The following FBXO28 variants were observed in gnomAD, a reference collection of about 807,000 sequenced individuals.
FBXO28 encodes the protein F-box only protein 28.
FBXO28 carries 8 observed loss-of-function variants against 38.1 expected under a neutral mutation model. The observed-to-expected ratio is 0.21, with a 90% confidence interval of 0.12 to 0.38. The LOEUF (loss-of-function observed/expected upper bound fraction) is 0.38, where lower values mean the gene tolerates loss of function less well. Among genes scored for constraint, FBXO28 ranks in the 10% least tolerant of loss-of-function variants. FBXO28 has a pLI of 1.00. For synonymous variants in FBXO28, 168 were observed against 173.8 expected (o/e 0.97, Z 0.26); for missense variants, 345 against 460.6 (o/e 0.75, Z 2.30).
intron 1 of FBXO28, among the ~76,000 whole-genome samples, chr1:224,122,521 C>T (rs902893448): frequency 2.0e-5 from 3 of 151,982 alleles, no homozygotes; most frequent in African/African-American, 7.2e-5. Context: ...CGGGTTTATT[C>T]AGTCTAATTA....
In FBXO28 at chr1:224,114,251, C is replaced by G. The variant is rs1299964910; in HGVS notation, c.122C>G (p.Pro41Arg). The G allele has an allele frequency of 6.4e-7, 1 of 1,554,238 alleles. No individual in the cohort carries two copies. The highest frequency in any genetic ancestry group is 1.2e-5 in the South Asian group (1 of 84,412). ...CCTCCACCGCCCGCGCCACAGCACC[C>G]GCAGCCGGGGTCCCAGGCGCTCCCA... ...RQPPPPAPQH[P>R]QPGSQALPAP... The change falls in exon 1 of 5, where the codon CCG (proline) becomes CGG (arginine). Residue 41 changes from proline (P) to arginine (R), a missense_variant. Physicochemically the swap from Pro to Arg is moderately radical, Grantham distance 103. Around this residue, in one of 6 missense-constraint regions of FBXO28, gnomAD observed 104 missense variants for 82.0 expected, o/e 1.27. Coordinates refer to ENST00000366862, the MANE Select transcript of FBXO28 (RefSeq NM_015176.4).
At position 224,153,179 on chromosome 1, in the gene FBXO28, A is replaced by G. The variant is rs199672778; in HGVS notation, c.554A>G (p.Asn185Ser). The part of the protein sequence containing the change: ...DEIYRVLRYV[N>S]STRAPQRAHE... ...ATTTATCGTGTGTTGAGATATGTCA[A>G]TTCTACCAGAGCCCCTCAACGAGCT... is the stretch of plus-strand genomic sequence containing the variant. The change falls in exon 4 of 5, where the codon AAT becomes AGT. Residue 185 changes from asparagine (N) to serine (S), a missense_variant. Around this residue, in one of 6 missense-constraint regions of FBXO28, gnomAD observed 24 missense variants for 24.6 expected, o/e 0.98. Coordinates refer to ENST00000366862, the MANE Select transcript of FBXO28 (RefSeq NM_015176.4). 169 of 1,608,848 alleles carry G rather than the reference A, an allele frequency of 1.1e-4. No individual in the cohort carries two copies. The highest frequency in any genetic ancestry group is 1.2e-4 in the Non-Finnish European group (142 of 1,178,468).
intron 3 of FBXO28, among the ~76,000 whole-genome samples, chr1:224,145,843 G>A (rs1224013704): frequency 6.6e-6 from 1 of 152,052 alleles, no homozygotes; most frequent in South Asian, 2.1e-4. Context: ...CAAGGCAGGT[G>A]GATCACCAGA....
chr1:224,150,294 T>C (rs1489287343), intron 3 of FBXO28, among the ~76,000 whole-genome samples: 7 of 152,254 alleles, frequency 4.6e-5, no homozygotes, highest in Admixed American at 3.3e-4. Flanking sequence ...ATTTCCAGCC[T>C]GGGCAACAAG....
chr1:224,132,627 G>A (rs1198209112), intron 2 of FBXO28, among the ~76,000 whole-genome samples: 1 of 152,060 alleles, frequency 6.6e-6, no homozygotes, highest in Non-Finnish European at 1.5e-5. Flanking sequence ...GCAACATGGT[G>A]AAACCCAGTC....
rs34850766 is a variant in FBXO28 at position 224,144,153 on chromosome 1, C to CAA, written c.517-8976_517-8975dup. Among the ~76,000 whole-genome samples the CAA allele has an allele frequency of 5.0e-3, 690 of 136,848 alleles. 2 individuals are homozygous for CAA. Among genetic ancestry groups the CAA allele is most frequent in the South Asian group, 0.013 (54 of 4,176 alleles). 89.8% of individuals were successfully genotyped at this position (136,848 alleles called of 152,430 possible). A position where few individuals can be genotyped will look rare whatever the true frequency, so the allele number is the denominator to read the frequency against. On this transcript the variant is annotated intron_variant, in intron 3 of 4. Coordinates refer to ENST00000366862, the MANE Select transcript of FBXO28 (RefSeq NM_015176.4). ...TGGGAAACAGAATGAAACTATGTCT[C>CAA]AAAAAAAAAAAAAAGGAATGAATGA...
At chr1:224,121,356 C>G (rs1287172294) in intron 1 of FBXO28, among the ~76,000 whole-genome samples, 1 of 152,120 alleles carries the variant, frequency 6.6e-6, no homozygotes, top group Non-Finnish European at 1.5e-5. Context: ...TATTTTCTTT[C>G]CAAGTGAATA....
intron 3 of FBXO28, among the ~76,000 whole-genome samples, chr1:224,143,641 G>A (rs1407713189): frequency 1.3e-5 from 2 of 151,824 alleles, no homozygotes; most frequent in Non-Finnish European, 2.9e-5. Flanking sequence ...TAGCTAACAC[G>A]GTAAAACCCC....
intron 3 of FBXO28, among the ~76,000 whole-genome samples, chr1:224,139,436 T>C (rs898123856): frequency 1.3e-5 from 2 of 151,806 alleles, no homozygotes; most frequent in African/African-American, 4.9e-5. Context: ...CTGTTTGCTT[T>C]TATTTTCTCT....
At chr1:224,143,415 A>C (rs1162926728) in intron 3 of FBXO28, among the ~76,000 whole-genome samples, 1 of 152,102 alleles carries the variant, frequency 6.6e-6, no homozygotes, top group Non-Finnish European at 1.5e-5. Context: ...TGTGGGTGTG[A>C]GGGTGCCCTG....
At chr1:224,151,067 G>A (rs991767491) in intron 3 of FBXO28, among the ~76,000 whole-genome samples, 1 of 152,102 alleles carries the variant, frequency 6.6e-6, no homozygotes, top group African/African-American at 2.4e-5. Flanking sequence ...TCCTAACATA[G>A]TAGTTCAGTA....
chr1:224,128,472 A>G (rs924522236), intron 1 of FBXO28, among the ~76,000 whole-genome samples: 2 of 152,186 alleles, frequency 1.3e-5, no homozygotes, highest in South Asian at 2.1e-4. Context: ...TAAGATAAAC[A>G]AAGTTTATTT....
chr1:224,148,863 T>TC (rs59027950), intron 3 of FBXO28, among the ~76,000 whole-genome samples: 152,081 of 152,190 alleles, frequency 1, 75,986 homozygotes, highest in Middle Eastern at 1. Flanking sequence ...ATTTACTTAC[T>TC]AATGTCCTTC....
intron 3 of FBXO28, among the ~76,000 whole-genome samples, chr1:224,142,553 C>G (rs563450220): frequency 1.1e-4 from 16 of 152,032 alleles, no homozygotes; most frequent in Non-Finnish European, 2.1e-4. Flanking sequence ...CAGTGGCTCA[C>G]GCCTGTGATC....
At chr1:224,124,617 T>A (rs1398948987) in intron 1 of FBXO28, among the ~76,000 whole-genome samples, 1 of 152,222 alleles carries the variant, frequency 6.6e-6, no homozygotes, top group Non-Finnish European at 1.5e-5. Context: ...TAGCATACAT[T>A]ATCAGCAGCT....
intron 3 of FBXO28, among the ~76,000 whole-genome samples, chr1:224,138,949 G>GT (rs529614067): frequency 0.013 from 1,897 of 151,494 alleles, 17 homozygotes; most frequent in Non-Finnish European, 0.021. Context: ...GCCCAGCTAA[G>GT]TTTTTTTGTA....
intron 1 of FBXO28, among the ~76,000 whole-genome samples, chr1:224,126,416 A>G (rs546687653): frequency 6.6e-6 from 1 of 152,382 alleles, no homozygotes; most frequent in East Asian, 1.9e-4. Flanking sequence ...GAAATTATCA[A>G]CAAGGTTGTA....
chr1:224,134,743 A>C (rs536146525), intron 3 of FBXO28, among the ~76,000 whole-genome samples: 33 of 152,340 alleles, frequency 2.2e-4, no homozygotes, highest in African/African-American at 7.0e-4. Context: ...ACCATTACTA[A>C]GTTAATAAAA....
intron 3 of FBXO28, among the ~76,000 whole-genome samples, chr1:224,143,546 C>T (rs559194555): frequency 1.6e-3 from 242 of 152,262 alleles, no homozygotes; most frequent in African/African-American, 5.7e-3. Context: ...ATGAATAGGA[C>T]GGGTGTGGTG....
Sources: gnomAD v4.1 joint callset for allele counts (sites outside exome capture counted in the v4.1 genomes callset) on GRCh38, gnomAD v4.1.1 for gene constraint, gnomAD v4.1.1 regional missense constraint, MANE v1.5 for transcripts, NCBI Gene and HGNC (gene_info 2026-07-23, HGNC 2026-07-21) for gene names.